Variants in EP400 observed in about 807,000 individuals in gnomAD.
EP400 encodes E1A binding protein p400.
In EP400, 105 loss-of-function variants were observed where a neutral mutation model predicts 354.1. That is an observed-to-expected ratio of 0.30 (90% confidence interval 0.25 to 0.35). The LOEUF is 0.35. EP400 is among the 10% of genes least tolerant of loss of function. The pLI is 1.00. For synonymous variants in EP400, 1,646 were observed against 1,716.9 expected (o/e 0.96, Z 1.02); for missense variants, 3,280 against 4,121.0 (o/e 0.80, Z 5.59).
chr12:131,961,594 T>G lies in EP400; in HGVS notation c.975T>G (p.Thr325=). The G allele has an allele frequency of 6.4e-7, 1 of 1,559,536 alleles. No individual in the cohort carries two copies. The highest frequency in any genetic ancestry group is 8.7e-7 in the Non-Finnish European group (1 of 1,148,164). The change falls in exon 2 of 53, where the codon ACT becomes ACG. Residue 325 remains threonine, a synonymous_variant. Transcript: ENST00000389561. ...CCCCGCCCACCAGCCCTTCCAGGACTGCCGTGCCCCCAGGCCTTTCCAGCC... is the reference window on the plus strand; with the variant it reads ...CCCCGCCCACCAGCCCTTCCAGGACGGCCGTGCCCCCAGGCCTTTCCAGCC... ...SPPPPTSPSR[T]AVPPGLSSLP...
At chr12:131,977,063 T>TGAAAAAGGA (rs1892503432) in intron 2 of EP400, among the ~76,000 whole-genome samples, 2 of 152,236 alleles carry the variant, frequency 1.3e-5, no homozygotes, top group Non-Finnish European at 2.9e-5. Context: ...CCTGTATCAC[T>TGAAAAAGGA]GGCCTACCTT....
chr12:132,055,857 C>T (rs1895492410), intron 45 of EP400, among the ~76,000 whole-genome samples: 2 of 151,726 alleles, frequency 1.3e-5, no homozygotes, highest in Admixed American at 1.3e-4. Flanking sequence ...CCGCAGGTGC[C>T]CCCCATGTGC....
At chr12:132,014,567 C>T (rs1224926820) in intron 19 of EP400, among the ~76,000 whole-genome samples, 1 of 152,220 alleles carries the variant, frequency 6.6e-6, no homozygotes, top group African/African-American at 2.4e-5. Context: ...ACAAAAAACC[C>T]TGGAAATCAA....
At chr12:132,043,809 CATTAA>C in intron 34 of EP400, 81 bp downstream of exon 34, 1 of 1,277,350 alleles carries the variant, frequency 7.8e-7, no homozygotes, top group East Asian at 2.4e-5. Context: ...AATGTGACTT[CATTAA>C]ATTAAAGTCA....
At chr12:131,951,260 T>G (rs1285380062) in intron 1 of EP400, among the ~76,000 whole-genome samples, 1 of 151,336 alleles carries the variant, frequency 6.6e-6, no homozygotes, top group Admixed American at 6.6e-5. Flanking sequence ...CTGTGTTGCC[T>G]AGGCTGGTCT....
At chr12:132,041,763 C>T (rs912641191) in intron 32 of EP400, among the ~76,000 whole-genome samples, 2 of 151,968 alleles carry the variant, frequency 1.3e-5, no homozygotes, top group African/African-American at 2.4e-5. Context: ...AATTGCTGGT[C>T]CTTTCACTGT....
chr12:132,009,907 T>C lies in EP400; in HGVS notation c.3305-1591T>C, dbSNP rs961701621. Among the ~76,000 whole-genome samples, 12 of 140,468 alleles carry C rather than the reference T, an allele frequency of 8.5e-5. No individual in the cohort carries two copies. In the South Asian group the frequency reaches 2.8e-3, roughly 33 times the overall value. The allele number at this position is 140,468 out of a possible 152,430, so 92.2% of individuals were successfully genotyped here. On this transcript the variant is annotated intron_variant, in intron 15 of 52. Coordinates refer to ENST00000389561, the MANE Select transcript of EP400 (RefSeq NM_015409.5). ...CCTGGCTGATCTCGAACTCCTGGCC[T>C]CAAAAGATCCTCCTGCCTTGGCTTC...
At chr12:131,972,098 C>G (rs977706080) in intron 2 of EP400, among the ~76,000 whole-genome samples, 2 of 151,820 alleles carry the variant, frequency 1.3e-5, no homozygotes, top group African/African-American at 2.4e-5. Flanking sequence ...ATGGAAACAT[C>G]CATTGCTTTA....
In EP400 at chr12:132,057,540, G is replaced by A. The variant is rs117930521; in HGVS notation, c.7884+2332G>A. Among the ~76,000 whole-genome samples the A allele has an allele frequency of 7.2e-3, 1,092 of 152,330 alleles. 35 individuals are homozygous for A. In the South Asian group the frequency reaches 0.094, roughly 13 times the overall value. On this transcript the variant is annotated intron_variant, in intron 45 of 52. Transcript: ENST00000389561. ...GTGGTGGGGTCATGGCAGTAGCTAC[G>A]TGATGATAATGTGTCCGTCAGAATT...
At chr12:131,968,454 A>G (rs188844424) in intron 2 of EP400, among the ~76,000 whole-genome samples, 1 of 152,300 alleles carries the variant, frequency 6.6e-6, no homozygotes, top group East Asian at 1.9e-4. Context: ...TGCCAGTGTC[A>G]CACTATTGTG....
intron 51 of EP400, among the ~76,000 whole-genome samples, chr12:132,073,038 G>A (rs1452322281): frequency 6.6e-6 from 1 of 152,048 alleles, no homozygotes; most frequent in South Asian, 2.1e-4. Context: ...AGCAGCTCGC[G>A]GGCAGGTCCG....
At chr12:131,988,835 C>T (rs1892943967) in intron 7 of EP400, among the ~76,000 whole-genome samples, 1 of 152,126 alleles carries the variant, frequency 6.6e-6, no homozygotes, top group Non-Finnish European at 1.5e-5. Context: ...AACGCTATGG[C>T]CTTGTGTTCC....
At chr12:131,991,311 C>T (rs1285442635) in intron 9 of EP400, 96 bp from the exon 10 acceptor site, 23 of 1,204,394 alleles carry the variant, frequency 1.9e-5, no homozygotes, top group East Asian at 4.7e-5. Context: ...TTTCCCTGCA[C>T]GTGGGTGGAG....
chr12:132,033,378 C>T (rs1223337443), intron 30 of EP400, among the ~76,000 whole-genome samples: 1 of 152,150 alleles, frequency 6.6e-6, no homozygotes, highest in Non-Finnish European at 1.5e-5. Flanking sequence ...ACTTCTTCTG[C>T]TTATTTTATG....
At chr12:132,001,103 G>A (rs1593337979) in intron 12 of EP400, among the ~76,000 whole-genome samples, 1 of 152,246 alleles carries the variant, frequency 6.6e-6, no homozygotes. Context: ...GTGTGGAGAC[G>A]AGAGATTGTG....
chr12:132,022,752 T>C (rs1894161894), intron 23 of EP400, among the ~76,000 whole-genome samples: 1 of 152,126 alleles, frequency 6.6e-6, no homozygotes, highest in Non-Finnish European at 1.5e-5. Context: ...GCTTTATTTA[T>C]GTATGTGATT....
Position 131,981,566 on chromosome 12 carries a change from C to A in EP400, c.1513C>A (p.Pro505Thr). 1 of 1,601,682 alleles carries A rather than the reference C, an allele frequency of 6.2e-7. No individual in the cohort carries two copies. ...FQHPGADAGVPLQQLMPTAQG... is the reference protein window; with the variant it reads ...FQHPGADAGVTLQQLMPTAQG... ...GCACCCAGGGGCGGACGCAGGCGTTCCTCTCCAGCAACTAATGCCGACCGC... is the reference window on the plus strand; with the variant it reads ...GCACCCAGGGGCGGACGCAGGCGTTACTCTCCAGCAACTAATGCCGACCGC... Residue 505 changes from proline to threonine, a missense_variant, in exon 4 of 53, where the codon CCT becomes ACT. Transcript: ENST00000389561.
intron 7 of EP400, among the ~76,000 whole-genome samples, chr12:131,989,471 C>T (rs1027480281): frequency 1.8e-4 from 27 of 152,228 alleles, no homozygotes; most frequent in Admixed American, 7.9e-4. Flanking sequence ...AAGGTTTTCT[C>T]ATCTTAATTC....
intron 23 of EP400, among the ~76,000 whole-genome samples, chr12:132,023,299 A>AT (rs767816284): frequency 0.033 from 2,344 of 70,970 alleles, 414 homozygotes; most frequent in African/African-American, 0.13. Context: ...TGCCCAGCTA[A>AT]TTTTTTTTTT....
Sources: gnomAD v4.1 joint callset for allele counts (sites outside exome capture counted in the v4.1 genomes callset) on GRCh38, gnomAD v4.1.1 for gene constraint, MANE v1.5 for transcripts, NCBI Gene and HGNC (gene_info 2026-07-23, HGNC 2026-07-21) for gene names.